Variants in TNRC6A observed in about 807,000 individuals in gnomAD.
TNRC6A encodes the protein trinucleotide repeat containing adaptor 6A, also known as trinucleotide repeat-containing gene 6A protein.
Under a neutral mutation model 221.2 loss-of-function variants are expected in TNRC6A, and 44 were observed. The observed-to-expected ratio is 0.20, with a 90% CI of 0.16 to 0.26. The LOEUF is 0.26. Among genes scored for constraint, TNRC6A ranks in the 10% least tolerant of loss-of-function variants. The pLI, the probability that TNRC6A is intolerant of heterozygous loss-of-function variation, is 1.00. For missense variants in TNRC6A, 2,199 were observed against 2,404.4 expected (o/e 0.91, Z 1.79); for synonymous variants, 847 against 838.5 (o/e 1.01, Z -0.18).
chr16:24,730,388 C>G (rs1311991493), intron 2 of TNRC6A, 88 bp downstream of exon 2: 5 of 1,488,778 alleles, frequency 3.4e-6, no homozygotes, highest in Admixed American at 2.1e-5. Context: ...GAAGTTCCCC[C>G]GTGACATTTT....
At chr16:24,815,526 A>G (rs1220831878) in intron 19 of TNRC6A, 1 of 564,186 alleles carries the variant, frequency 1.8e-6, no homozygotes, top group Non-Finnish European at 3.2e-6. Flanking sequence ...CAGCAGAGGT[A>G]GAAGTGAGCC....
chr16:24,805,806 G>A, intron 15 of TNRC6A, 73 bp downstream of exon 15: 1 of 1,588,778 alleles, frequency 6.3e-7, no homozygotes, highest in Non-Finnish European at 8.6e-7. Flanking sequence ...TAGACTCTGT[G>A]CGGGACATAG....
At chr16:24,805,521 C>T (rs946814934) in intron 14 of TNRC6A, 84 bp from the exon 15 acceptor site, 3 of 1,553,676 alleles carry the variant, frequency 1.9e-6, no homozygotes, top group African/African-American at 1.4e-5. Flanking sequence ...TTTAACTGCT[C>T]TATTGACAAC....
At chr16:24,672,407 C>A (rs541896518) in intron 2 of TNRC6A, among the ~76,000 whole-genome samples, 1 of 151,646 alleles carries the variant, frequency 6.6e-6, no homozygotes, top group Non-Finnish European at 1.5e-5. Context: ...GGATTACAGG[C>A]GTGAGCCACC....
intron 2 of TNRC6A, among the ~76,000 whole-genome samples, chr16:24,713,562 C>A (rs1265995167): frequency 3.9e-5 from 6 of 152,100 alleles, no homozygotes; most frequent in African/African-American, 1.4e-4. Flanking sequence ...GTCATCCTTA[C>A]CTTTACTCTT....
intron 5 of TNRC6A, among the ~76,000 whole-genome samples, chr16:24,781,767 T>C (rs993052531): frequency 2.0e-5 from 3 of 151,946 alleles, no homozygotes; most frequent in Admixed American, 6.5e-5. Context: ...CATGCTTTAC[T>C]CTTCCCTCTC....
intron 8 of TNRC6A, 159 bp from the exon 9 acceptor site, chr16:24,795,748 G>A: frequency 1.7e-6 from 1 of 584,716 alleles, no homozygotes; most frequent in East Asian, 2.8e-5. Flanking sequence ...TCTAAGATAG[G>A]ACACTGATGA....
intron 4 of TNRC6A, among the ~76,000 whole-genome samples, chr16:24,768,026 G>GA (rs1006745713): frequency 1.3e-5 from 2 of 152,148 alleles, no homozygotes; most frequent in African/African-American, 4.8e-5. Flanking sequence ...GTGTAAGGCT[G>GA]AAGAATCTTT....
chr16:24,759,221 G>A lies in TNRC6A; in HGVS notation c.163+861G>A, dbSNP rs752296735. Reference sequence around the variant, plus strand: ...TATGCAGTGGTGGTATTCCTAGAGCGTTAAATATTCAGTGATAAGTGGGCA... The same window carrying A: ...TATGCAGTGGTGGTATTCCTAGAGCATTAAATATTCAGTGATAAGTGGGCA... On this transcript the variant is annotated intron_variant, in intron 4 of 24. Coordinates refer to ENST00000395799, the MANE Select transcript of TNRC6A (RefSeq NM_014494.4). Among the ~76,000 whole-genome samples the A allele has an allele frequency of 2.6e-5, 4 of 152,168 alleles. No individual in the cohort carries two copies. In the East Asian group the frequency reaches 5.8e-4, roughly 22 times the overall value.
chr16:24,729,971 G>C (rs970388814), intron 1 of TNRC6A, 125 bp downstream of exon 1: 12 of 921,924 alleles, frequency 1.3e-5, no homozygotes, highest in Non-Finnish European at 1.6e-5. Flanking sequence ...GGGCCTCGGC[G>C]GGAGGGCGCA....
Position 24,672,004 on chromosome 16 carries a change from T to C in TNRC6A, n.402+30995T>C, listed in dbSNP as rs146073742. On this transcript the variant is annotated intron_variant and non_coding_transcript_variant, in intron 2 of 2. Coordinates refer to the TNRC6A transcript ENST00000566108. Reference sequence around the variant, plus strand: ...TCATAAAAAGACATTTGAGGGACAGTTGGTGAAATTTTAATATGGACAGCA... The same window carrying C: ...TCATAAAAAGACATTTGAGGGACAGCTGGTGAAATTTTAATATGGACAGCA... 7.0e-3 allele frequency among the ~76,000 whole-genome samples: 1,064 copies of C among 152,292 alleles called. 4 individuals are homozygous for C. Among genetic ancestry groups the C allele is most frequent in the Non-Finnish European group, 0.011 (739 of 68,018 alleles).
intron 2 of TNRC6A, among the ~76,000 whole-genome samples, chr16:24,734,017 T>C (rs888759855): frequency 4.6e-5 from 7 of 151,946 alleles, no homozygotes; most frequent in African/African-American, 1.7e-4. Context: ...ACAAAAGAAT[T>C]TTAAAAAATT....
At chr16:24,810,964 C>A (rs1020436014) in intron 18 of TNRC6A, among the ~76,000 whole-genome samples, 3 of 152,028 alleles carry the variant, frequency 2.0e-5, no homozygotes, top group African/African-American at 7.2e-5. Context: ...AACTGATCAG[C>A]TAGTCAGTCT....
intron 2 of TNRC6A, among the ~76,000 whole-genome samples, chr16:24,721,576 C>T (rs757348355): frequency 6.6e-5 from 10 of 151,982 alleles, no homozygotes; most frequent in Non-Finnish European, 1.2e-4. Context: ...GAGGCTGAGG[C>T]GGGTGGATTG....
chr16:24,657,441 G>A (rs756321177), intron 2 of TNRC6A, among the ~76,000 whole-genome samples: 3 of 151,908 alleles, frequency 2.0e-5, no homozygotes, highest in East Asian at 3.9e-4. Flanking sequence ...CCGGGCAGGC[G>A]GCTCATGCCT....
intron 2 of TNRC6A, among the ~76,000 whole-genome samples, chr16:24,645,308 C>A (rs1193438225): frequency 4.6e-5 from 7 of 151,860 alleles, no homozygotes. Flanking sequence ...GAGTTCAAGA[C>A]CAGCCTGGCC....
intron 19 of TNRC6A, chr16:24,816,580 G>C (rs910926718): frequency 1.9e-5 from 9 of 478,902 alleles, no homozygotes; most frequent in African/African-American, 3.9e-5. Flanking sequence ...GTGTGTGTGG[G>C]TATGTATATT....
chr16:24,616,578 G>A (rs1183825956), intron 1 of TNRC6A, among the ~76,000 whole-genome samples: 1 of 152,034 alleles, frequency 6.6e-6, no homozygotes, highest in Non-Finnish European at 1.5e-5. Flanking sequence ...TATTTGTTAA[G>A]AGACTCTTTT....
chr16:24,620,560 C>G (rs1900614385), intron 1 of TNRC6A, among the ~76,000 whole-genome samples: 1 of 152,166 alleles, frequency 6.6e-6, no homozygotes, highest in African/African-American at 2.4e-5. Context: ...GTAATTCCAG[C>G]AATTTGGGAG....
Sources: gnomAD v4.1 joint callset for allele counts (sites outside exome capture counted in the v4.1 genomes callset) on GRCh38, gnomAD v4.1.1 for gene constraint, MANE v1.5 for transcripts, NCBI Gene and HGNC (gene_info 2026-07-23, HGNC 2026-07-21) for gene names.